Variants in WDR70 observed in about 807,000 individuals in gnomAD.
WDR70 encodes WD repeat-containing protein 70.
WDR70 carries 53 observed loss-of-function variants against 88.6 expected under a neutral mutation model. The observed-to-expected ratio is 0.60, with a 90% CI of 0.48 to 0.75. WDR70 has a LOEUF of 0.75. Ranked by LOEUF, WDR70 falls within the 30% of genes least tolerant of loss-of-function variation. The pLI is 0.00. For synonymous variants in WDR70, 280 were observed against 270.0 expected, an observed-to-expected ratio of 1.04 and a Z score of -0.36; for missense variants, 610 against 823.2, an observed-to-expected ratio of 0.74 and a Z score of 3.17.
chr5:37,525,318 A>G (rs914173681), intron 9 of WDR70, among the ~76,000 whole-genome samples: 17 of 152,224 alleles, frequency 1.1e-4, no homozygotes, highest in Admixed American at 2.0e-4. Flanking sequence ...ACTCAGGATT[A>G]AGAAACTCAC....
At chr5:37,699,953 A>C (rs1269094757) in intron 11 of WDR70, among the ~76,000 whole-genome samples, 1 of 144,038 alleles carries the variant, frequency 6.9e-6, no homozygotes, top group Non-Finnish European at 1.5e-5. Flanking sequence ...TCTCAAAAAA[A>C]AACAAAAAAC....
At chr5:37,718,598 A>C (rs551025666) in intron 13 of WDR70, among the ~76,000 whole-genome samples, 1 of 152,280 alleles carries the variant, frequency 6.6e-6, no homozygotes, top group South Asian at 2.1e-4. Context: ...CTCTCTCTCT[A>C]GGACCACATT....
At chr5:37,663,293 A>G (rs1446262136) in intron 10 of WDR70, among the ~76,000 whole-genome samples, 1 of 152,216 alleles carries the variant, frequency 6.6e-6, no homozygotes, top group South Asian at 2.1e-4. Context: ...TAACTCCAGA[A>G]CATAGTACTC....
chr5:37,691,458 G>A (rs933178077), intron 10 of WDR70, among the ~76,000 whole-genome samples: 3 of 152,140 alleles, frequency 2.0e-5, no homozygotes, highest in Non-Finnish European at 2.9e-5. Flanking sequence ...CACATAGTTG[G>A]AAATAAAGCA....
intron 10 of WDR70, among the ~76,000 whole-genome samples, chr5:37,617,089 G>A (rs1744366878): frequency 6.6e-6 from 1 of 152,168 alleles, no homozygotes; most frequent in South Asian, 2.1e-4. Flanking sequence ...ACCATTTCAA[G>A]TGCTTTTTAT....
At chr5:37,719,973 G>GCTCC (rs1280041492) in intron 13 of WDR70, among the ~76,000 whole-genome samples, 1 of 151,788 alleles carries the variant, frequency 6.6e-6, no homozygotes, top group African/African-American at 2.4e-5. Context: ...CTCCTGAGTA[G>GCTCC]CTCGGACTAC....
intron 7 of WDR70, among the ~76,000 whole-genome samples, chr5:37,456,252 C>T (rs1394810055): frequency 6.6e-6 from 1 of 152,114 alleles, no homozygotes; most frequent in Non-Finnish European, 1.5e-5. Flanking sequence ...ATATCCTTAC[C>T]TACACTTGGT....
chr5:37,427,684 C>T (rs968870857), intron 5 of WDR70, among the ~76,000 whole-genome samples: 3 of 152,022 alleles, frequency 2.0e-5, no homozygotes, highest in South Asian at 2.1e-4. Flanking sequence ...GTCAGGAGTT[C>T]GAGACCAGCC....
intron 10 of WDR70, among the ~76,000 whole-genome samples, chr5:37,678,302 A>G (rs1746302502): frequency 6.6e-6 from 1 of 152,130 alleles, no homozygotes; most frequent in African/African-American, 2.4e-5. Flanking sequence ...TTTGCTCGTT[A>G]GTTGATGCAA....
chr5:37,444,290 A>G (rs1476969468), intron 7 of WDR70, among the ~76,000 whole-genome samples: 3 of 148,730 alleles, frequency 2.0e-5, no homozygotes, highest in Non-Finnish European at 3.0e-5. Context: ...GGCTAGCATT[A>G]TGTTAGAAAG....
At chr5:37,557,957 A>ACTCTTTTGAAAAATC in intron 9 of WDR70, among the ~76,000 whole-genome samples, 2 of 139,252 alleles carry the variant, frequency 1.4e-5, no homozygotes, top group Admixed American at 7.1e-5. Flanking sequence ...TCAAAAGAGT[A>ACTCTTTTGAAAAATC]TTATGTATAT....
At chr5:37,577,878 A>G (rs950420930) in intron 9 of WDR70, among the ~76,000 whole-genome samples, 3 of 152,240 alleles carry the variant, frequency 2.0e-5, no homozygotes, top group Non-Finnish European at 4.4e-5. Context: ...ATGGATAGAT[A>G]CATGGATAGT....
chr5:37,715,430 G>GA (rs1747627122), intron 13 of WDR70, among the ~76,000 whole-genome samples: 1 of 152,014 alleles, frequency 6.6e-6, no homozygotes, highest in African/African-American at 2.4e-5. Flanking sequence ...GGGAAAAGGA[G>GA]AGGCATATGC....
At chr5:37,602,361 C>G (rs1743910534) in intron 9 of WDR70, among the ~76,000 whole-genome samples, 1 of 152,074 alleles carries the variant, frequency 6.6e-6, no homozygotes, top group Non-Finnish European at 1.5e-5. Flanking sequence ...GTAATCCCAG[C>G]ACTTTGGGAG....
chr5:37,384,968 A>G (rs906702476), intron 3 of WDR70, among the ~76,000 whole-genome samples: 1 of 152,186 alleles, frequency 6.6e-6, no homozygotes, highest in Non-Finnish European at 1.5e-5. Flanking sequence ...TCTACTGGCT[A>G]TAAATCAGGG....
chr5:37,420,124 A>C (rs1749899588), intron 5 of WDR70, among the ~76,000 whole-genome samples: 1 of 152,104 alleles, frequency 6.6e-6, no homozygotes, highest in Admixed American at 6.6e-5. Flanking sequence ...GTGCTTTGGG[A>C]GGCCGAGGTG....
chr5:37,501,997 G>T (rs146958057), intron 8 of WDR70, among the ~76,000 whole-genome samples: 1 of 152,108 alleles, frequency 6.6e-6, no homozygotes, highest in Non-Finnish European at 1.5e-5. Flanking sequence ...GATAGGAATT[G>T]CCTTGAATCT....
At chr5:37,484,253 A>T (rs1739781377) in intron 8 of WDR70, among the ~76,000 whole-genome samples, 1 of 152,234 alleles carries the variant, frequency 6.6e-6, no homozygotes, top group African/African-American at 2.4e-5. Context: ...ACTGCACTCC[A>T]GCCTGGGCAA....
At chr5:37,380,600 C>T (rs1451768585) in intron 2 of WDR70, among the ~76,000 whole-genome samples, 9 of 151,988 alleles carry the variant, frequency 5.9e-5, no homozygotes, top group East Asian at 1.9e-4. Flanking sequence ...TCTCGGCCTC[C>T]GAAAGTGCTG....
Sources: allele counts gnomAD v4.1 joint callset (sites outside exome capture counted in the v4.1 genomes callset), GRCh38; gene constraint gnomAD v4.1.1; transcripts MANE v1.5; gene names NCBI Gene and HGNC (gene_info 2026-07-23, HGNC 2026-07-21).